ZFPM1: variants seen among roughly 807,000 people sequenced by gnomAD.
ZFPM1 encodes the protein zinc finger protein ZFPM1.
Under a neutral mutation model 46.3 loss-of-function variants are expected in ZFPM1, and 28 were observed. The observed-to-expected ratio is 0.60, with a 90% CI of 0.45 to 0.83. The LOEUF (loss-of-function observed/expected upper bound fraction) is 0.83, where lower values mean the gene tolerates loss of function less well. Among genes scored for constraint, ZFPM1 ranks in the 40% least tolerant of loss-of-function variants. The pLI, the probability that ZFPM1 is intolerant of heterozygous loss-of-function variation, is 0.00. For synonymous variants in ZFPM1, 957 were observed against 675.9 expected, an observed-to-expected ratio of 1.42 and a Z score of -6.45; for missense variants, 1,878 against 1,432.4, an observed-to-expected ratio of 1.31 and a Z score of -5.02.
chr16:88,486,419 T>C (rs923944863), intron 2 of ZFPM1, among the ~76,000 whole-genome samples: 1 of 152,352 alleles, frequency 6.6e-6, no homozygotes, highest in Middle Eastern at 3.4e-3. Context: ...TGTTGAGCTG[T>C]GATCCCTGCT....
chr16:88,506,512 G>A (rs2142412208), intron 3 of ZFPM1, among the ~76,000 whole-genome samples: 2 of 143,798 alleles, frequency 1.4e-5, no homozygotes, highest in Admixed American at 1.4e-4. Flanking sequence ...GGGCGGGCGG[G>A]CAGGGCAGGT....
chr16:88,528,584 C>G (rs2142480493), intron 6 of ZFPM1, among the ~76,000 whole-genome samples: 1 of 152,344 alleles, frequency 6.6e-6, no homozygotes, highest in Non-Finnish European at 1.5e-5. Context: ...GGACCCTCAC[C>G]TCGGCCCTCC....
intron 6 of ZFPM1, chr16:88,530,753 C>T (rs1467035175): frequency 6.6e-6 from 1 of 152,294 alleles, no homozygotes; most frequent in African/African-American, 2.4e-5. Flanking sequence ...CAGAAACAAA[C>T]CCACCCAGTG....
Position 88,532,063 on chromosome 16 carries a change from G to A in ZFPM1, c.774G>A (p.Ala258=), listed in dbSNP as rs761419725. ...IWYRSERNLQ[A]HLLYYCASRQ... The stretch of plus-strand genomic sequence containing the variant: ...ACCGCAGCGAGCGCAACCTGCAGGC[G>A]CACCTGCTCTACTACTGCGCCAGCC... The change falls in exon 7 of 10, where the codon GCG becomes GCA. Residue 258 remains alanine (A), a synonymous_variant. Coordinates refer to ENST00000319555, the MANE Select transcript of ZFPM1 (RefSeq NM_153813.3). The A allele has an allele frequency of 6.8e-6, 11 of 1,612,328 alleles. No individual in the cohort carries two copies. The highest frequency in any genetic ancestry group is 1.3e-5 in the African/African-American group (1 of 75,024).
intron 2 of ZFPM1, among the ~76,000 whole-genome samples, chr16:88,488,282 G>T (rs899608414): frequency 2.6e-5 from 4 of 152,050 alleles, no homozygotes; most frequent in African/African-American, 9.7e-5. Context: ...TAGGAGCCAG[G>T]GCCGCATGGG....
intron 3 of ZFPM1, among the ~76,000 whole-genome samples, chr16:88,501,839 G>A (rs1028860415): frequency 6.6e-6 from 1 of 152,126 alleles, no homozygotes; most frequent in African/African-American, 2.4e-5. Context: ...CGTGGGTGCA[G>A]GGCCCTCCTG....
At position 88,453,564 on chromosome 16, in the gene ZFPM1, G is replaced by A; in HGVS notation, c.-75G>A. ...GGGGCATGAGCGGCCCCGCGGCCCCGCCGCGCCCCCGCCGCCCGCCGCCGC... is the reference window on the plus strand; with the variant it reads ...GGGGCATGAGCGGCCCCGCGGCCCCACCGCGCCCCCGCCGCCCGCCGCCGC... On this transcript the variant is annotated 5_prime_UTR_variant, in exon 1 of 10. Coordinates refer to ENST00000319555, the MANE Select transcript of ZFPM1 (RefSeq NM_153813.3). The A allele has an allele frequency of 2.6e-5, 22 of 847,166 alleles. No individual in the cohort carries two copies. The highest frequency in any genetic ancestry group is 3.0e-5 in the Non-Finnish European group (21 of 706,872). 52.5% of individuals were successfully genotyped at this position (847,166 alleles called of 1,614,324 possible).
chr16:88,514,343 G>A (rs1338864746), intron 3 of ZFPM1, 44 bp from the exon 4 acceptor site: 3 of 1,550,838 alleles, frequency 1.9e-6, no homozygotes, highest in Non-Finnish European at 2.6e-6. Flanking sequence ...GGCTGGACAG[G>A]CCCCAGACCG....
At chr16:88,529,434 G>A (rs983281648) in intron 6 of ZFPM1, among the ~76,000 whole-genome samples, 3 of 151,964 alleles carry the variant, frequency 2.0e-5, no homozygotes, top group African/African-American at 7.3e-5. Context: ...AAAGAGACCT[G>A]CAGGGCCAAG....
chr16:88,490,863 A>G (rs1909526246), intron 3 of ZFPM1, among the ~76,000 whole-genome samples: 1 of 152,158 alleles, frequency 6.6e-6, no homozygotes, highest in African/African-American at 2.4e-5. Flanking sequence ...AGCACAGCAG[A>G]TGATGTGACT....
At chr16:88,520,497 G>T (rs1474396571) in intron 4 of ZFPM1, among the ~76,000 whole-genome samples, 1 of 149,772 alleles carries the variant, frequency 6.7e-6, no homozygotes, top group Non-Finnish European at 1.5e-5. Context: ...TGGATGAGTG[G>T]GTGGGTAGGT....
chr16:88,487,622 A>G (rs1909306189), intron 2 of ZFPM1, among the ~76,000 whole-genome samples: 1 of 151,908 alleles, frequency 6.6e-6, no homozygotes, highest in East Asian at 1.9e-4. Context: ...TGGGAGCGGG[A>G]TTTCTCAGTG....
At chr16:88,516,954 G>C (rs776404202) in intron 4 of ZFPM1, among the ~76,000 whole-genome samples, 8 of 152,152 alleles carry the variant, frequency 5.3e-5, no homozygotes, top group Non-Finnish European at 8.8e-5. Context: ...CACCCACAGA[G>C]GAAAATGAGT....
chr16:88,510,563 C>G (rs1910900331), intron 3 of ZFPM1, among the ~76,000 whole-genome samples: 1 of 152,216 alleles, frequency 6.6e-6, no homozygotes, highest in Non-Finnish European at 1.5e-5. Context: ...CGTGTGCAGT[C>G]TTGTTTGCCT....
intron 1 of ZFPM1, among the ~76,000 whole-genome samples, chr16:88,477,743 T>C (rs1279964330): frequency 1.3e-5 from 2 of 152,268 alleles, no homozygotes; most frequent in African/African-American, 4.8e-5. Flanking sequence ...CTTATGGGGA[T>C]GCAGTTGGTT....
intron 3 of ZFPM1, among the ~76,000 whole-genome samples, chr16:88,500,932 TC>T (rs1209639596): frequency 6.6e-6 from 1 of 152,228 alleles, no homozygotes; most frequent in Non-Finnish European, 1.5e-5. Flanking sequence ...CAGCGGGCCC[TC>T]CCTGTGGGGG....
chr16:88,485,589 G>A (rs571663796), intron 1 of ZFPM1, among the ~76,000 whole-genome samples: 6 of 152,054 alleles, frequency 3.9e-5, no homozygotes, highest in East Asian at 3.9e-4. Context: ...ACAGGTGTGC[G>A]CCACCACACC....
Position 88,511,624 on chromosome 16 carries a change from ACC to A in ZFPM1, c.269-2759_269-2758del, listed in dbSNP as rs368317643. Among the ~76,000 whole-genome samples the A allele has an allele frequency of 7.2e-4, 110 of 151,772 alleles. 2 individuals carry two copies. In the East Asian group the frequency reaches 0.019, roughly 26 times the overall value. ...CTGCCAGGAGTAGGAGGCCTCACCC[ACC>A]CCCACTTTCCAATGCGATTTTACTT... is the stretch of plus-strand genomic sequence containing the variant. On this transcript the variant is annotated intron_variant, in intron 3 of 9. Transcript: ENST00000319555.
At chr16:88,509,173 AC>A (rs1297801094) in intron 3 of ZFPM1, among the ~76,000 whole-genome samples, 1 of 151,158 alleles carries the variant, frequency 6.6e-6, no homozygotes, top group Non-Finnish European at 1.5e-5. Flanking sequence ...GGCTTCCAGA[AC>A]CCCGTCAGCC....
Sources: allele counts gnomAD v4.1 joint callset (sites outside exome capture counted in the v4.1 genomes callset), GRCh38; gene constraint gnomAD v4.1.1; transcripts MANE v1.5; gene names NCBI Gene and HGNC (gene_info 2026-07-23, HGNC 2026-07-21).